The following BICRAL variants were observed in gnomAD, a reference collection of about 807,000 sequenced individuals.
BICRAL encodes the protein BRD4-interacting chromatin-remodeling complex-associated protein-like.
A neutral mutation model predicts 91.8 loss-of-function variants in BICRAL; 8 were observed. That is an observed-to-expected ratio of 0.09 (90% CI 0.05 to 0.16). The LOEUF (loss-of-function observed/expected upper bound fraction) is 0.16. Among genes scored for constraint, BICRAL ranks in the 10% least tolerant of loss-of-function variants. The pLI is 1.00. For missense variants in BICRAL, 1,038 were observed against 1,310.9 expected (o/e 0.79, Z 3.21); for synonymous variants, 445 against 491.1 (o/e 0.91, Z 1.24).
At chr6:42,826,586 A>T (rs1224048915) in intron 5 of BICRAL, among the ~76,000 whole-genome samples, 1 of 151,686 alleles carries the variant, frequency 6.6e-6, no homozygotes, top group Non-Finnish European at 1.5e-5. Flanking sequence ...GACCTGGGGG[A>T]TTGGAGTGTC....
intron 7 of BICRAL, chr6:42,852,422 G>A (rs893448981): frequency 3.1e-6 from 2 of 637,762 alleles, no homozygotes; most frequent in African/African-American, 3.6e-5. Flanking sequence ...AGCACTTTGG[G>A]AGGCCAAGGA....
chr6:42,839,995 C>G (rs931963369), intron 6 of BICRAL, among the ~76,000 whole-genome samples: 1 of 152,108 alleles, frequency 6.6e-6, no homozygotes, highest in Admixed American at 6.6e-5. Context: ...GATTAAAATT[C>G]AAAAGTCAGT....
intron 2 of BICRAL, among the ~76,000 whole-genome samples, chr6:42,816,372 T>C (rs567116657): frequency 6.6e-6 from 1 of 151,174 alleles, no homozygotes; most frequent in South Asian, 2.1e-4. Context: ...AAGTTCTGAG[T>C]ATTTGGTATA....
Position 42,866,451 on chromosome 6 carries a change from C to T in BICRAL, c.*1005C>T. On this transcript the variant is annotated 3_prime_UTR_variant, in exon 13 of 13. Coordinates refer to ENST00000314073, the MANE Select transcript of BICRAL (RefSeq NM_001393499.1). ...TGTTTCATTTAACCTCTCTTTGCAC[C>T]CTCTCCCACAACAAATACCAAGCAT... The T allele has an allele frequency of 1.7e-5, 3 of 177,828 alleles. No individual in the cohort carries two copies. The highest frequency in any genetic ancestry group is 3.6e-5 in the Non-Finnish European group (3 of 82,770). The allele number at this position is 177,828 out of a possible 1,614,324, so 11.0% of individuals were successfully genotyped here.
At chr6:42,811,591 A>G (rs1763845633) in intron 2 of BICRAL, among the ~76,000 whole-genome samples, 1 of 151,682 alleles carries the variant, frequency 6.6e-6, no homozygotes, top group South Asian at 2.1e-4. Context: ...ACTGCACTCC[A>G]GCCTGCTGAC....
chr6:42,819,388 C>T (rs1764078411), intron 2 of BICRAL, among the ~76,000 whole-genome samples: 1 of 152,158 alleles, frequency 6.6e-6, no homozygotes, highest in Non-Finnish European at 1.5e-5. Context: ...CAGGTTCAAG[C>T]AATTCTCCTG....
Position 42,794,954 on chromosome 6 carries a change from G to A in BICRAL, c.-102+12853G>A, listed in dbSNP as rs574593143. Reference sequence around the variant, plus strand: ...CCAGCCTGGGCAACAAGAGCAAAACGCCATCTCAAAAAAAAAAAAGAAACT... The same window carrying A: ...CCAGCCTGGGCAACAAGAGCAAAACACCATCTCAAAAAAAAAAAAGAAACT... On this transcript the variant is annotated intron_variant, in intron 1 of 12. Transcript: ENST00000314073. Among the ~76,000 whole-genome samples the A allele has an allele frequency of 1.8e-4, 24 of 134,512 alleles. 1 individual carries two copies. In the East Asian group the frequency reaches 3.5e-3, roughly 20 times the overall value. The allele number at this position is 134,512 out of a possible 152,430, so 88.2% of individuals were successfully genotyped here. A position where few individuals can be genotyped will look rare whatever the true frequency, so the allele number is the denominator to read the frequency against.
intron 1 of BICRAL, among the ~76,000 whole-genome samples, chr6:42,801,410 T>C (rs553854722): frequency 2.6e-5 from 4 of 152,318 alleles, no homozygotes; most frequent in Middle Eastern, 3.4e-3. Flanking sequence ...TTGACTTTAA[T>C]AGCTCAATTT....
chr6:42,754,769 C>T (rs899727003), intron 1 of BICRAL, among the ~76,000 whole-genome samples: 8 of 152,244 alleles, frequency 5.3e-5, no homozygotes, highest in South Asian at 4.1e-4. Flanking sequence ...TGGTGGCATG[C>T]ACCTATAGTT....
rs1762964627 is a variant in BICRAL at position 42,782,926 on chromosome 6, T to C, written c.-102+825T>C. On this transcript the variant is annotated intron_variant, in intron 1 of 12. Coordinates refer to ENST00000314073, the MANE Select transcript of BICRAL (RefSeq NM_001393499.1). ...CTTTTCTCTCTCGGAAGCTCTAGGGTGTGAATCACATTTTCTTTCTTCTCG... is the reference window on the plus strand; with the variant it reads ...CTTTTCTCTCTCGGAAGCTCTAGGGCGTGAATCACATTTTCTTTCTTCTCG... Among the ~76,000 whole-genome samples, 3 of 145,290 alleles carry C rather than the reference T, an allele frequency of 2.1e-5. No homozygotes were observed. The South Asian group carries it at 7.0e-4, about 34-fold the overall frequency.
In BICRAL at chr6:42,761,193, G is replaced by A. The variant is rs1026811725; in HGVS notation, c.-261+14170G>A. Among the ~76,000 whole-genome samples the A allele has an allele frequency of 2.6e-5, 4 of 152,300 alleles. No homozygotes were observed. The East Asian group carries it at 5.8e-4, about 22-fold the overall frequency. ...AGTTGATAGGGCACCGGTGGCTCAC[G>A]CCTGTAATCCCAGCAGTTTGGGAGG... On this transcript the variant is annotated intron_variant, in intron 1 of 14. Coordinates refer to the BICRAL transcript ENST00000614467.
rs1764402433 is a variant in BICRAL, at chr6:42,829,304, A to G, written c.971A>G (p.Asn324Ser). 6.2e-7 allele frequency: 1 copy of G among 1,614,238 alleles called. No individual in the cohort carries two copies. Among genetic ancestry groups the G allele is most frequent in the African/African-American group, 1.3e-5 (1 of 75,066 alleles). The change falls in exon 6 of 13, where the codon AAT becomes AGT. Residue 324 changes from asparagine to serine, a missense_variant. Coordinates refer to ENST00000314073, the MANE Select transcript of BICRAL (RefSeq NM_001393499.1). ...AAGCCTATCCAGATGGGTCAGCAAA[A>G]TACATACAATGTGAACAATTTGGGA... ...QPKPIQMGQQNTYNVNNLGIQ... is the reference protein window; with the variant it reads ...QPKPIQMGQQSTYNVNNLGIQ...
intron 8 of BICRAL, among the ~76,000 whole-genome samples, chr6:42,854,245 C>G (rs542985809): frequency 1.3e-5 from 2 of 152,308 alleles, no homozygotes; most frequent in Admixed American, 6.5e-5. Flanking sequence ...GTCACCCAGG[C>G]TGGCATGCAG....
intron 2 of BICRAL, among the ~76,000 whole-genome samples, chr6:42,815,519 T>C (rs982794822): frequency 6.6e-6 from 1 of 152,046 alleles, no homozygotes; most frequent in Non-Finnish European, 1.5e-5. Context: ...GCAAAACTGA[T>C]TTGCTGAACT....
chr6:42,857,177 G>A lies in BICRAL; in HGVS notation c.2195G>A (p.Arg732Lys). 6.2e-7 allele frequency: 1 copy of A among 1,613,758 alleles called. No individual in the cohort carries two copies. The highest frequency in any genetic ancestry group is 8.5e-7 in the Non-Finnish European group (1 of 1,179,780). ...HFRSLSDAVQ[R>K]LLSYHVCQGS... is the part of the protein sequence containing the mutation. Reference sequence around the variant, plus strand: ...CGATCACTAAGTGATGCGGTACAGAGACTGCTCTCCTACCACGTGTGCCAG... The same window carrying A: ...CGATCACTAAGTGATGCGGTACAGAAACTGCTCTCCTACCACGTGTGCCAG... Residue 732 changes from arginine (R) to lysine (K), a missense_variant, in exon 10 of 13, where the codon AGA becomes AAA. Physicochemically the swap from Arg to Lys is conservative, Grantham distance 26. This residue lies in a region of BICRAL where 294 missense variants were observed against 292.6 expected (regional missense o/e 1.00). Transcript: ENST00000314073.
At chr6:42,804,174 C>T (rs1763647194) in intron 1 of BICRAL, among the ~76,000 whole-genome samples, 1 of 152,174 alleles carries the variant, frequency 6.6e-6, no homozygotes, top group Non-Finnish European at 1.5e-5. Flanking sequence ...AGGCATGTGC[C>T]GCCATGCCCA....
upstream of BICRAL, among the ~76,000 whole-genome samples, chr6:42,778,806 CCTGT>C (rs2113853315): frequency 6.6e-6 from 1 of 151,960 alleles, no homozygotes; most frequent in South Asian, 2.1e-4. Flanking sequence ...AAAGCAAGAC[CCTGT>C]CTCTTATTTT....
At chr6:42,753,741 A>G (rs1026288210) in intron 1 of BICRAL, among the ~76,000 whole-genome samples, 1 of 152,092 alleles carries the variant, frequency 6.6e-6, no homozygotes, top group Non-Finnish European at 1.5e-5. Context: ...CCTCCTGAGT[A>G]GCTGGGATTA....
intron 5 of BICRAL, among the ~76,000 whole-genome samples, chr6:42,826,231 CTTTTTT>C (rs763034286): frequency 8.6e-6 from 1 of 116,890 alleles, no homozygotes; most frequent in Non-Finnish European, 1.9e-5. Context: ...AACTCATGTT[CTTTTTT>C]TTTTTTTTTT....
Sources: gnomAD v4.1 joint callset for allele counts (sites outside exome capture counted in the v4.1 genomes callset) on GRCh38, gnomAD v4.1.1 for gene constraint, gnomAD v4.1.1 regional missense constraint, MANE v1.5 for transcripts, NCBI Gene and HGNC (gene_info 2026-07-23, HGNC 2026-07-21) for gene names.